The following RMST variants were observed in gnomAD, a reference collection of about 807,000 sequenced individuals.
RMST encodes the protein long intergenic non-protein coding RNA 54.
At chr12:97,563,550 A>G (rs1264776338) in intron 13 of RMST, 1 of 313,218 alleles carries the variant, frequency 3.2e-6, no homozygotes, top group Non-Finnish European at 6.1e-6. Flanking sequence ...GCATTTCTCC[A>G]GGAATTCTTC....
chr12:97,505,897 C>T (rs1878609311), intron 10 of RMST, among the ~76,000 whole-genome samples: 1 of 152,110 alleles, frequency 6.6e-6, no homozygotes, highest in Admixed American at 6.5e-5. Flanking sequence ...ATCTTAGTAC[C>T]TGAAAACCAG....
In RMST at chr12:97,548,534, A is replaced by G. The variant is rs144537645; in HGVS notation, n.1546-12003A>G. ...AACATGGGCTATTTTAATTTCATTC[A>G]TCAATGTCTTATAGTTTTCAGTGTG... is the stretch of plus-strand genomic sequence containing the variant. On this transcript the variant is annotated intron_variant and non_coding_transcript_variant, in intron 11 of 13. Transcript: ENST00000640149. Among the ~76,000 whole-genome samples the G allele has an allele frequency of 3.4e-3, 524 of 152,116 alleles. 5 individuals carry two copies. Among genetic ancestry groups the G allele is most frequent in the African/African-American group, 0.012 (494 of 41,550 alleles).
At chr12:97,465,133 C>G (rs1464276272) in intron 4 of RMST, 1 of 152,288 alleles carries the variant, frequency 6.6e-6, no homozygotes, top group Non-Finnish European at 1.5e-5. Flanking sequence ...GGCAGGCTCT[C>G]TCCAAATGCC....
chr12:97,552,106 GTAAA>G (rs1883351847), intron 11 of RMST: 1 of 152,138 alleles, frequency 6.6e-6, no homozygotes, highest in Admixed American at 6.6e-5. Context: ...TTCGATTGCT[GTAAA>G]TATTGTATTT....
chr12:97,475,300 C>T (rs1412976307), intron 5 of RMST, among the ~76,000 whole-genome samples: 1 of 152,122 alleles, frequency 6.6e-6, no homozygotes, highest in East Asian at 1.9e-4. Context: ...TTTGCGCATA[C>T]ACTTTCAAGA....
chr12:97,528,576 A>G (rs371740050), intron 10 of RMST, among the ~76,000 whole-genome samples: 5 of 152,156 alleles, frequency 3.3e-5, no homozygotes, highest in East Asian at 1.9e-4. Context: ...AATATTATTA[A>G]TGCTTATTTT....
intron 6 of RMST, chr12:97,492,617 A>T (rs1457052440): frequency 6.6e-6 from 1 of 152,162 alleles, no homozygotes; most frequent in Middle Eastern, 3.2e-3. Context: ...GTGTGTAAAG[A>T]ATATTGGAAA....
intron 10 of RMST, among the ~76,000 whole-genome samples, chr12:97,520,278 C>T (rs189754491): frequency 2.0e-5 from 3 of 152,066 alleles, no homozygotes; most frequent in Admixed American, 6.5e-5. Context: ...TTACAAGTGT[C>T]GCAGTGGGGC....
intron 10 of RMST, among the ~76,000 whole-genome samples, chr12:97,500,034 T>TG (rs1877912775): frequency 6.6e-6 from 1 of 152,198 alleles, no homozygotes; most frequent in African/African-American, 2.4e-5. Flanking sequence ...AGACACATCA[T>TG]GTTTAATAAT....
intron 11 of RMST, among the ~76,000 whole-genome samples, chr12:97,537,161 C>T (rs904149513): frequency 2.0e-5 from 3 of 151,340 alleles, no homozygotes; most frequent in Non-Finnish European, 4.4e-5. Context: ...TAAAATGACA[C>T]ATACTGAGAG....
intron 10 of RMST, among the ~76,000 whole-genome samples, chr12:97,528,793 C>T (rs769781292): frequency 1.3e-5 from 2 of 151,942 alleles, no homozygotes; most frequent in Non-Finnish European, 2.9e-5. Context: ...TATTCTTCAT[C>T]GACATGTATT....
chr12:97,526,138 T>C (rs1032133714), intron 10 of RMST, among the ~76,000 whole-genome samples: 2 of 152,098 alleles, frequency 1.3e-5, no homozygotes, highest in African/African-American at 2.4e-5. Context: ...ATAATAGATA[T>C]AAAGTGCACA....
chr12:97,528,182 T>C (rs1372011120), intron 10 of RMST, among the ~76,000 whole-genome samples: 1 of 152,174 alleles, frequency 6.6e-6, no homozygotes, highest in Non-Finnish European at 1.5e-5. Flanking sequence ...TTTCTAATTC[T>C]ACAAAACATA....
chr12:97,563,115 T>A (rs1005094754), intron 13 of RMST: 1 of 152,196 alleles, frequency 6.6e-6, no homozygotes, highest in Non-Finnish European at 1.5e-5. Context: ...AATGTCACTT[T>A]AATGCAGCAT....
At chr12:97,563,949 C>T (rs1884340578) in intron 13 of RMST, 1 of 472,942 alleles carries the variant, frequency 2.1e-6, no homozygotes, top group Non-Finnish European at 4.5e-6. Flanking sequence ...AGAACGTTAG[C>T]CTGTGGAGCT....
chr12:97,550,253 G>A (rs1015635261), intron 11 of RMST, among the ~76,000 whole-genome samples: 1 of 152,248 alleles, frequency 6.6e-6, no homozygotes, highest in Non-Finnish European at 1.5e-5. Flanking sequence ...TTAGCTGGGT[G>A]TGATAGCACA....
At chr12:97,507,584 A>G (rs1444797700) in intron 10 of RMST, among the ~76,000 whole-genome samples, 1 of 152,206 alleles carries the variant, frequency 6.6e-6, no homozygotes, top group African/African-American at 2.4e-5. Context: ...TCGTGCCACT[A>G]TGACTTATAC....
At chr12:97,524,075 C>CAGAGAAAAGAA (rs57255256) in intron 10 of RMST, among the ~76,000 whole-genome samples, 1 of 56,118 alleles carries the variant, frequency 1.8e-5, no homozygotes, top group Non-Finnish European at 3.2e-5. Flanking sequence ...GACTCTGTCT[C>CAGAGAAAAGAA]AAAAAAAAAA....
chr12:97,531,610 A>G (rs1881633107), intron 11 of RMST, among the ~76,000 whole-genome samples: 1 of 152,012 alleles, frequency 6.6e-6, no homozygotes, highest in Non-Finnish European at 1.5e-5. Context: ...TAATCTAAGT[A>G]CAAAGAGGGA....
Sources: gnomAD v4.1 joint callset for allele counts (sites outside exome capture counted in the v4.1 genomes callset) on GRCh38, gnomAD v4.1.1 for gene constraint, MANE v1.5 for transcripts, NCBI Gene and HGNC (gene_info 2026-07-23, HGNC 2026-07-21) for gene names.